EFCAB11: variants seen among roughly 807,000 people sequenced by gnomAD.
EFCAB11 encodes EF-hand calcium binding domain 11, also known as EF-hand calcium-binding domain-containing protein 11.
A neutral mutation model predicts 23.0 loss-of-function variants in EFCAB11; 14 were observed. The ratio of observed to expected loss-of-function variants is 0.61; its 90% CI spans 0.40 to 0.95. The LOEUF (loss-of-function observed/expected upper bound fraction) is 0.95, where lower values mean the gene tolerates loss of function less well. EFCAB11 is among the 40% of genes least tolerant of loss of function. The probability of loss-of-function intolerance (pLI) is 0.00; values close to 1 mark genes in which losing one functional copy is unlikely to be tolerated. For synonymous variants in EFCAB11, 65 were observed against 66.6 expected (o/e 0.98, Z 0.11); for missense variants, 198 against 195.8 (o/e 1.01, Z -0.07).
intron 5 of EFCAB11, among the ~76,000 whole-genome samples, chr14:89,867,328 G>A (rs1888123552): frequency 1.3e-5 from 2 of 152,144 alleles, no homozygotes; most frequent in African/African-American, 2.4e-5. Flanking sequence ...AATCAGTCAC[G>A]GATGACCTCA....
At chr14:89,876,006 AG>A (rs1231879607) in intron 5 of EFCAB11, among the ~76,000 whole-genome samples, 1 of 152,190 alleles carries the variant, frequency 6.6e-6, no homozygotes, top group Admixed American at 6.5e-5. Flanking sequence ...AATGTTGAAA[AG>A]GGTTCAAAGA....
In EFCAB11 at chr14:89,873,968, C is replaced by T. The variant is rs535811291; in HGVS notation, c.410+57573G>A. On this transcript the variant is annotated intron_variant, in intron 5 of 5. Transcript: ENST00000316738. ...CCCTCTTCTCACAGCTCCACTAGTC[C>T]CAGTGGGGACTCTGTGTGGAGGCTC... 2.6e-5 allele frequency among the ~76,000 whole-genome samples: 4 copies of T among 152,304 alleles called. No homozygotes were observed. The East Asian group carries it at 7.7e-4, about 29-fold the overall frequency.
At chr14:89,801,747 A>G in intron 5 of EFCAB11, among the ~76,000 whole-genome samples, 1 of 152,204 alleles carries the variant, frequency 6.6e-6, no homozygotes, top group East Asian at 1.9e-4. Flanking sequence ...TAATCCCAGC[A>G]TTTTGGGAGG....
At chr14:89,927,366 G>A (rs944875166) in intron 5 of EFCAB11, among the ~76,000 whole-genome samples, 1 of 152,120 alleles carries the variant, frequency 6.6e-6, no homozygotes, top group Non-Finnish European at 1.5e-5. Context: ...AGAGGACCCC[G>A]GCCTAATTAG....
At chr14:89,851,693 CTGTTT>C (rs1259465843) in intron 5 of EFCAB11, among the ~76,000 whole-genome samples, 1 of 152,182 alleles carries the variant, frequency 6.6e-6, no homozygotes, top group African/African-American at 2.4e-5. Flanking sequence ...AACAGGGCTC[CTGTTT>C]TAAGAATTGG....
At chr14:89,802,377 A>G (rs7148056) in intron 5 of EFCAB11, among the ~76,000 whole-genome samples, 7,330 of 152,008 alleles carry the variant, frequency 0.048, 513 homozygotes, top group African/African-American at 0.15. Context: ...TCGTTTTTTA[A>G]TTTTAATTTT....
intron 5 of EFCAB11, among the ~76,000 whole-genome samples, chr14:89,898,900 C>T (rs1889257800): frequency 6.6e-6 from 1 of 152,028 alleles, no homozygotes; most frequent in Non-Finnish European, 1.5e-5. Flanking sequence ...TCTTGAACTC[C>T]TGGCCTCAAG....
At chr14:89,929,443 G>A (rs1890313602) in intron 5 of EFCAB11, among the ~76,000 whole-genome samples, 1 of 152,304 alleles carries the variant, frequency 6.6e-6, no homozygotes, top group Admixed American at 6.5e-5. Flanking sequence ...CTAGAGTGCA[G>A]TGGTGTGATC....
intron 5 of EFCAB11, among the ~76,000 whole-genome samples, chr14:89,905,734 A>T (rs1042198296): frequency 6.6e-6 from 1 of 152,194 alleles, no homozygotes; most frequent in Non-Finnish European, 1.5e-5. Context: ...AGCCTTGAGG[A>T]CCGAGTTATG....
intron 5 of EFCAB11, among the ~76,000 whole-genome samples, chr14:89,880,652 GA>G (rs372529311): frequency 4.6e-5 from 7 of 151,986 alleles, no homozygotes; most frequent in Admixed American, 1.3e-4. Flanking sequence ...TTACTTCACA[GA>G]AAAAAAATGA....
At chr14:89,908,919 C>G (rs1889576948) in intron 5 of EFCAB11, among the ~76,000 whole-genome samples, 1 of 152,168 alleles carries the variant, frequency 6.6e-6, no homozygotes, top group Non-Finnish European at 1.5e-5. Flanking sequence ...CAGGCTAGAT[C>G]TAAGCTGGCA....
chr14:89,852,320 C>G (rs1048675539), intron 5 of EFCAB11, among the ~76,000 whole-genome samples: 1 of 152,224 alleles, frequency 6.6e-6, no homozygotes, highest in Non-Finnish European at 1.5e-5. Context: ...TGGAGACACA[C>G]TGTTGTGGAT....
chr14:89,904,299 A>G (rs1889426606), intron 5 of EFCAB11, among the ~76,000 whole-genome samples: 1 of 152,202 alleles, frequency 6.6e-6, no homozygotes, highest in South Asian at 2.1e-4. Context: ...TGCAAAGGAC[A>G]TGAACTCATC....
At chr14:89,834,432 TGA>T (rs1194442433) in intron 5 of EFCAB11, among the ~76,000 whole-genome samples, 3 of 149,906 alleles carry the variant, frequency 2.0e-5, no homozygotes, top group Non-Finnish European at 4.4e-5. Flanking sequence ...TAAAGATTTG[TGA>T]GTCTACTTGC....
chr14:89,875,733 T>C (rs539344042), intron 5 of EFCAB11, among the ~76,000 whole-genome samples: 38 of 151,520 alleles, frequency 2.5e-4, no homozygotes, highest in African/African-American at 7.5e-4. Context: ...TCAGTAGGAG[T>C]TGAAGATGGG....
chr14:89,913,614 T>A (rs1250481211), intron 5 of EFCAB11, among the ~76,000 whole-genome samples: 2 of 152,178 alleles, frequency 1.3e-5, no homozygotes, highest in Non-Finnish European at 2.9e-5. Flanking sequence ...AAAATATATA[T>A]ACCTTATACA....
At chr14:89,827,628 CTTTTT>C (rs36007256) in intron 5 of EFCAB11, among the ~76,000 whole-genome samples, 12 of 105,114 alleles carry the variant, frequency 1.1e-4, no homozygotes, top group Non-Finnish European at 1.7e-4. Context: ...TTTATTCACT[CTTTTT>C]TTTTTTTTTT....
chr14:89,836,938 G>C (rs913774425), intron 5 of EFCAB11: 37 of 439,894 alleles, frequency 8.4e-5, no homozygotes, highest in Non-Finnish European at 1.6e-4. Flanking sequence ...AGAATTGCTT[G>C]AACCCAGGAG....
At chr14:89,864,170 T>C (rs1888014624) in intron 5 of EFCAB11, among the ~76,000 whole-genome samples, 2 of 152,212 alleles carry the variant, frequency 1.3e-5, no homozygotes, top group Non-Finnish European at 2.9e-5. Context: ...ATTTTAAATG[T>C]CCTGGATCCA....
Sources: gnomAD v4.1 joint callset for allele counts (sites outside exome capture counted in the v4.1 genomes callset) on GRCh38, gnomAD v4.1.1 for gene constraint, MANE v1.5 for transcripts, NCBI Gene and HGNC (gene_info 2026-07-23, HGNC 2026-07-21) for gene names.